The following ADSS1 variants were observed in gnomAD, a reference collection of about 807,000 sequenced individuals.
ADSS1 encodes adenylosuccinate synthase 1, also known as adenylosuccinate synthetase isozyme 1.
A neutral mutation model predicts 59.1 loss-of-function variants in ADSS1; 57 were observed. The ratio of observed to expected loss-of-function variants is 0.97; its 90% CI spans 0.78 to 1.20. The LOEUF is 1.20. Among genes scored for constraint, ADSS1 ranks in the 50% most tolerant of loss-of-function variants. ADSS1 has a pLI of 0.00. For missense variants in ADSS1, 603 were observed against 610.3 expected (o/e 0.99, Z 0.13); for synonymous variants, 247 against 249.4 (o/e 0.99, Z 0.09).
At position 104,740,139 on chromosome 14, in the gene ADSS1, C is replaced by T. The variant is rs57597030; in HGVS notation, c.476+323C>T. Among the ~76,000 whole-genome samples the T allele has an allele frequency of 0.06, 9,126 of 152,178 alleles. 893 individuals carry two copies. Among genetic ancestry groups the T allele is most frequent in the African/African-American group, 0.21 (8,599 of 41,450 alleles). ...GGCCCCAGGGAAGACACGAGGAACACTAAAGCAGTTTAGTAGAACCTCAGA... is the reference window on the plus strand; with the variant it reads ...GGCCCCAGGGAAGACACGAGGAACATTAAAGCAGTTTAGTAGAACCTCAGA... On this transcript the variant is annotated intron_variant, in intron 5 of 12. Coordinates refer to ENST00000330877, the MANE Select transcript of ADSS1 (RefSeq NM_152328.5). This position sits in a 1 kb window ranked among gnomAD's most constrained non-coding sequence, Gnocchi z 4.8.
At chr14:104,739,717 T>C in intron 4 of ADSS1, 33 bp from the exon 5 acceptor site, 2 of 1,612,136 alleles carry the variant, frequency 1.2e-6, no homozygotes, top group South Asian at 1.1e-5. Flanking sequence ...TTCTCTCCTG[T>C]CTCCTGCTGC....
intron 1 of ADSS1, among the ~76,000 whole-genome samples, chr14:104,733,073 C>T (rs1890988960): frequency 6.6e-6 from 1 of 152,172 alleles, no homozygotes; most frequent in African/African-American, 2.4e-5. Context: ...CAGAAGTACC[C>T]TGACCCTCCA....
intron 1 of ADSS1, among the ~76,000 whole-genome samples, chr14:104,733,639 G>A (rs1202949260): frequency 6.6e-6 from 1 of 152,200 alleles, no homozygotes; most frequent in Admixed American, 6.5e-5. Flanking sequence ...GCAGAGAGCA[G>A]TGGGGTGTGG....
chr14:104,742,519 G>A (rs1395304040), intron 9 of ADSS1, among the ~76,000 whole-genome samples: 17 of 152,360 alleles, frequency 1.1e-4, no homozygotes, highest in Non-Finnish European at 2.9e-5. Context: ...GAATCCTCAG[G>A]AGACCCCAGC....
rs1223058712 is a variant in ADSS1, at chr14:104,744,782, G to T, written c.1074-30G>T. On this transcript the variant is annotated intron_variant, in intron 10 of 12. Transcript: ENST00000330877. ...ACCCCAGCACTGCTGACCACTTCTT[G>T]GGTTTGCCCGGCCCCTTGGCTTTCC... The T allele has an allele frequency of 1.9e-6, 3 of 1,609,026 alleles. No homozygotes were observed. In the South Asian group the frequency reaches 3.3e-5, roughly 18 times the overall value.
intron 1 of ADSS1, among the ~76,000 whole-genome samples, chr14:104,733,913 G>A (rs1056290793): frequency 1.3e-5 from 2 of 152,202 alleles, no homozygotes; most frequent in Non-Finnish European, 2.9e-5. Flanking sequence ...TCCAGTGGCT[G>A]GCCAGAAGTG....
chr14:104,746,845 C>A (rs545172814), intron 12 of ADSS1, 106 bp from the exon 13 acceptor site: 3 of 1,150,140 alleles, frequency 2.6e-6, no homozygotes, highest in East Asian at 2.4e-5. Flanking sequence ...GAGAAAATAG[C>A]CCCTTTTACC....
At chr14:104,743,535 A>G in intron 10 of ADSS1, 1 of 263,284 alleles carries the variant, frequency 3.8e-6, no homozygotes, top group Non-Finnish European at 7.7e-6. Context: ...GGACGGCAGC[A>G]TGGGTGCCGG....
intron 4 of ADSS1, 56 bp downstream of exon 4, chr14:104,739,434 C>T: frequency 2.6e-6 from 4 of 1,559,674 alleles, no homozygotes; most frequent in Non-Finnish European, 3.5e-6. Flanking sequence ...CCATTGCCAG[C>T]CGGCCCTGCT....
In ADSS1 at chr14:104,740,928, C is replaced by G; in HGVS notation, c.666+8C>G. 1 of 1,613,868 alleles carries G rather than the reference C, an allele frequency of 6.2e-7. No homozygotes were observed. The highest frequency in any genetic ancestry group is 1.1e-5 in the South Asian group (1 of 91,056). On this transcript the variant is annotated splice_region_variant and intron_variant, in intron 7 of 12. Coordinates refer to ENST00000330877, the MANE Select transcript of ADSS1 (RefSeq NM_152328.5). The surrounding 1 kb of genome is among the most constrained non-coding windows in gnomAD (Gnocchi z 4.8). The stretch of plus-strand genomic sequence containing the variant: ...CAACTCAAAAGGCTCAAGGTGAAGT[C>G]GGGGCCGCAGTGTGGGGGCTGCGGA...
chr14:104,736,910 A>G (rs1384238115), intron 2 of ADSS1, among the ~76,000 whole-genome samples: 2 of 107,168 alleles, frequency 1.9e-5, no homozygotes, highest in Admixed American at 9.8e-5. Flanking sequence ...ATATATATAT[A>G]TATGCATTTT....
rs564428803 is a variant in ADSS1, at chr14:104,732,030, G to A, written c.193-2990G>A. Reference sequence around the variant, plus strand: ...CAGCCTCCGGACTGCCCTGCACACCGTGCTGAGAGGCCTGGCGTCCACCTG... The same window carrying A: ...CAGCCTCCGGACTGCCCTGCACACCATGCTGAGAGGCCTGGCGTCCACCTG... On this transcript the variant is annotated intron_variant, in intron 1 of 12. Transcript: ENST00000330877. 7.2e-5 allele frequency among the ~76,000 whole-genome samples: 11 copies of A among 152,314 alleles called. No individual in the cohort carries two copies. The East Asian group carries it at 1.9e-3, about 27-fold the overall frequency.
chr14:104,745,505 T>C (rs1436767941), intron 11 of ADSS1: 3 of 153,044 alleles, frequency 2.0e-5, no homozygotes, highest in African/African-American at 7.2e-5. Context: ...TTCCCCACAA[T>C]GGCTTCCTCC....
chr14:104,746,513 C>A, intron 12 of ADSS1, 128 bp downstream of exon 12: 1 of 1,320,074 alleles, frequency 7.6e-7, no homozygotes, highest in Non-Finnish European at 1.0e-6. Flanking sequence ...TATTGCATGG[C>A]AGGAGGGGAG....
chr14:104,741,190 C>T lies in ADSS1; in HGVS notation c.740C>T (p.Pro247Leu), dbSNP rs140869903. The change falls in exon 8 of 13, where the codon CCC becomes CTC. Residue 247 changes from proline (P) to leucine (L), a missense_variant. Transcript: ENST00000330877. Reference protein sequence around the residue: ...YFMYEALHGPPKKILVEGANA... With the variant: ...YFMYEALHGPLKKILVEGANA... Reference sequence around the variant, plus strand: ...ATGTATGAGGCACTCCACGGCCCCCCCAAGAAGATCCTGGTGGAGGGTGCC... The same window carrying T: ...ATGTATGAGGCACTCCACGGCCCCCTCAAGAAGATCCTGGTGGAGGGTGCC... 3.7e-6 allele frequency: 6 copies of T among 1,612,130 alleles called. No individual in the cohort carries two copies. Among genetic ancestry groups the T allele is most frequent in the East Asian group, 4.5e-5 (2 of 44,830 alleles).
intron 1 of ADSS1, among the ~76,000 whole-genome samples, chr14:104,727,509 C>T (rs1308908894): frequency 6.6e-6 from 1 of 152,160 alleles, no homozygotes; most frequent in Non-Finnish European, 1.5e-5. Flanking sequence ...CCCTGCTCTG[C>T]GGCCACATCA....
chr14:104,733,000 C>T (rs567153663), intron 1 of ADSS1, among the ~76,000 whole-genome samples: 5 of 152,248 alleles, frequency 3.3e-5, no homozygotes, highest in African/African-American at 4.8e-5. Flanking sequence ...CCTGTGCGCC[C>T]AGGGCTGACT....
chr14:104,733,825 C>T (rs1566796543), intron 1 of ADSS1, among the ~76,000 whole-genome samples: 2 of 152,246 alleles, frequency 1.3e-5, no homozygotes, highest in South Asian at 4.1e-4. Context: ...TGTGGCCCCC[C>T]GCAACCCCAC....
At chr14:104,730,816 G>T (rs1185890467) in intron 1 of ADSS1, among the ~76,000 whole-genome samples, 1 of 152,058 alleles carries the variant, frequency 6.6e-6, no homozygotes, top group Admixed American at 6.5e-5. Flanking sequence ...GACAAAGCAG[G>T]GGTCAGAGCT....
Sources: gnomAD v4.1 joint callset for allele counts (sites outside exome capture counted in the v4.1 genomes callset) on GRCh38, gnomAD v4.1.1 for gene constraint, Gnocchi (gnomAD v3.1) non-coding constraint, MANE v1.5 for transcripts, NCBI Gene and HGNC (gene_info 2026-07-23, HGNC 2026-07-21) for gene names.